Variants in VCL observed in about 807,000 individuals in gnomAD.
VCL encodes the protein vinculin, also known as epididymis luminal protein 114.
In VCL, 47 loss-of-function variants were observed where a neutral mutation model predicts 125.7. That is an observed-to-expected ratio of 0.37 (90% confidence interval 0.30 to 0.48). VCL has a LOEUF of 0.48. Ranked by LOEUF, VCL falls within the 20% of genes least tolerant of loss-of-function variation. VCL has a pLI of 0.99. For synonymous variants in VCL, 458 were observed against 514.6 expected (o/e 0.89, Z 1.49); for missense variants, 1,069 against 1,455.5 (o/e 0.73, Z 4.32).
At chr10:74,052,709 AT>A (rs1382103235) in intron 2 of VCL, among the ~76,000 whole-genome samples, 1 of 149,338 alleles carries the variant, frequency 6.7e-6, no homozygotes. Context: ...TCTCAGAGAT[AT>A]TTTTTATCTA....
intron 2 of VCL, among the ~76,000 whole-genome samples, chr10:74,060,613 G>A (rs139692579): frequency 2.1e-4 from 28 of 133,958 alleles, no homozygotes; most frequent in Admixed American, 5.0e-4. Flanking sequence ...CTGAGATCGC[G>A]CCACTGCACT....
At chr10:74,015,691 C>T (rs1310516491) in intron 1 of VCL, among the ~76,000 whole-genome samples, 5 of 144,048 alleles carry the variant, frequency 3.5e-5, no homozygotes, top group African/African-American at 7.6e-5. Flanking sequence ...CTTTCTTTTT[C>T]TTTTTTTTTT....
chr10:74,031,830 C>T (rs188561014), intron 1 of VCL, among the ~76,000 whole-genome samples: 3 of 151,926 alleles, frequency 2.0e-5, no homozygotes, highest in African/African-American at 7.2e-5. Context: ...TTTGGGAGGC[C>T]GAGGCGGGCG....
intron 8 of VCL, among the ~76,000 whole-genome samples, chr10:74,088,123 C>T (rs1186155025): frequency 2.0e-5 from 3 of 152,194 alleles, no homozygotes; most frequent in Non-Finnish European, 4.4e-5. Context: ...GGATAATCAG[C>T]CATGCCATTC....
intron 1 of VCL, among the ~76,000 whole-genome samples, chr10:74,004,366 C>T (rs1840280959): frequency 6.6e-6 from 1 of 152,100 alleles, no homozygotes; most frequent in Non-Finnish European, 1.5e-5. Flanking sequence ...AGGGAGGATA[C>T]TGTAGTTCAG....
intron 18 of VCL, among the ~76,000 whole-genome samples, chr10:74,111,147 C>T (rs1040651021): frequency 2.0e-5 from 3 of 152,116 alleles, no homozygotes; most frequent in African/African-American, 7.2e-5. Flanking sequence ...CCTCAGAAGA[C>T]CTTGAGGGGA....
intron 15 of VCL, 71 bp downstream of exon 15, chr10:74,103,999 G>T: frequency 1.4e-6 from 2 of 1,448,444 alleles, no homozygotes; most frequent in East Asian, 2.3e-5. Context: ...GAGCGGGACT[G>T]GTTCTGTTAC....
At chr10:74,002,727 C>A (rs1300198985) in intron 1 of VCL, among the ~76,000 whole-genome samples, 1 of 151,160 alleles carries the variant, frequency 6.6e-6, no homozygotes, top group Admixed American at 6.6e-5. Flanking sequence ...ACTAAAAATA[C>A]AAAAATTAAC....
At chr10:74,080,920 G>A (rs1839664859) in intron 6 of VCL, among the ~76,000 whole-genome samples, 1 of 152,248 alleles carries the variant, frequency 6.6e-6, no homozygotes, top group Non-Finnish European at 1.5e-5. Flanking sequence ...AATTTTGAAG[G>A]CAACGTTTTC....
intron 5 of VCL, among the ~76,000 whole-genome samples, chr10:74,073,632 T>C (rs1312620343): frequency 6.6e-6 from 1 of 152,252 alleles, no homozygotes; most frequent in African/African-American, 2.4e-5. Context: ...AACTGTTGTT[T>C]ACATCATGAG....
At chr10:74,048,325 G>A (rs957318710) in intron 2 of VCL, among the ~76,000 whole-genome samples, 12 of 152,134 alleles carry the variant, frequency 7.9e-5, no homozygotes, top group Admixed American at 2.6e-4. Flanking sequence ...AAAACTAGCC[G>A]GGCGTGGTGG....
chr10:74,115,011 ATG>A, intron 21 of VCL, 112 bp downstream of exon 21: 1 of 1,010,842 alleles, frequency 9.9e-7, no homozygotes. Flanking sequence ...AGTATTCAGT[ATG>A]TGGGATGCAC....
chr10:74,111,563 A>G (rs544384697), intron 18 of VCL, among the ~76,000 whole-genome samples: 1 of 152,224 alleles, frequency 6.6e-6, no homozygotes, highest in East Asian at 1.9e-4. Flanking sequence ...GCTCCTCAGA[A>G]ATATTCTCAT....
chr10:74,043,294 C>T, intron 2 of VCL, 141 bp downstream of exon 2: 2 of 756,874 alleles, frequency 2.6e-6, no homozygotes, highest in South Asian at 1.7e-5. Flanking sequence ...TGTCTTCTAA[C>T]TTTTTTAAAA....
At chr10:74,080,711 A>T (rs913130610) in intron 6 of VCL, among the ~76,000 whole-genome samples, 32 of 152,200 alleles carry the variant, frequency 2.1e-4, no homozygotes, top group African/African-American at 7.5e-4. Flanking sequence ...ACATTGACAT[A>T]ATTATTCTCC....
At chr10:74,020,217 A>G (rs990767219) in intron 1 of VCL, among the ~76,000 whole-genome samples, 4 of 152,176 alleles carry the variant, frequency 2.6e-5, no homozygotes, top group Non-Finnish European at 4.4e-5. Context: ...AAATATTTTT[A>G]TTATGCAAAT....
chr10:74,106,169 G>A (rs191557364), intron 16 of VCL, among the ~76,000 whole-genome samples: 58 of 151,930 alleles, frequency 3.8e-4, no homozygotes, highest in African/African-American at 1.3e-3. Flanking sequence ...TGATCCACCC[G>A]CCTTGGCCTC....
intron 13 of VCL, among the ~76,000 whole-genome samples, chr10:74,099,187 T>C (rs1840013440): frequency 6.6e-6 from 1 of 152,228 alleles, no homozygotes; most frequent in African/African-American, 2.4e-5. Flanking sequence ...CAGTGGGGCC[T>C]GTACTTTCAC....
chr10:74,058,026 G>C (rs1007138303), intron 2 of VCL, among the ~76,000 whole-genome samples: 1 of 152,188 alleles, frequency 6.6e-6, no homozygotes, highest in African/African-American at 2.4e-5. Context: ...CTCAGACTGG[G>C]AAGTGATCTA....
Sources: gnomAD v4.1 joint callset for allele counts (sites outside exome capture counted in the v4.1 genomes callset) on GRCh38, gnomAD v4.1.1 for gene constraint, MANE v1.5 for transcripts, NCBI Gene and HGNC (gene_info 2026-07-23, HGNC 2026-07-21) for gene names.